Variants in CDH4 observed in about 807,000 individuals in gnomAD.
CDH4 encodes cadherin-4.
In CDH4, 33 loss-of-function variants were observed where a neutral mutation model predicts 86.0. The observed-to-expected ratio is 0.38, with a 90% confidence interval of 0.29 to 0.51. CDH4 has a LOEUF of 0.51. Among genes scored for constraint, CDH4 ranks in the 20% least tolerant of loss-of-function variants. The pLI, the probability that CDH4 is intolerant of heterozygous loss-of-function variation, is 0.86. For synonymous variants in CDH4, 555 were observed against 549.4 expected (o/e 1.01, Z -0.14); for missense variants, 1,114 against 1,307.4 (o/e 0.85, Z 2.28).
At position 61,678,125 on chromosome 20, in the gene CDH4, G is replaced by A. The variant is rs368417440; in HGVS notation, c.170-65438G>A. Among the ~76,000 whole-genome samples the A allele has an allele frequency of 1.1e-3, 160 of 151,658 alleles. 6 individuals carry two copies. The South Asian group carries it at 0.02, about 19-fold the overall frequency. ...GATGATAGATGATACATTAGAAGACGGATGGAAGATAGAAGGATAGGTAGA... is the reference window on the plus strand; with the variant it reads ...GATGATAGATGATACATTAGAAGACAGATGGAAGATAGAAGGATAGGTAGA... On this transcript the variant is annotated intron_variant, in intron 2 of 15. Coordinates refer to ENST00000614565, the MANE Select transcript of CDH4 (RefSeq NM_001794.5).
At chr20:61,474,760 G>T (rs1648944621) in intron 2 of CDH4, among the ~76,000 whole-genome samples, 1 of 151,730 alleles carries the variant, frequency 6.6e-6, no homozygotes, top group Non-Finnish European at 1.5e-5. Flanking sequence ...TACTTCCAAG[G>T]GCATTTTTAT....
chr20:61,643,929 G>A (rs899647687), intron 2 of CDH4, among the ~76,000 whole-genome samples: 1 of 152,374 alleles, frequency 6.6e-6, no homozygotes, highest in African/African-American at 2.4e-5. Flanking sequence ...AGGCAAGGAA[G>A]ACTTTCTGGG....
intron 2 of CDH4, among the ~76,000 whole-genome samples, chr20:61,452,858 C>T (rs1017557341): frequency 1.3e-5 from 2 of 152,170 alleles, no homozygotes; most frequent in African/African-American, 4.8e-5. Context: ...CTGAGTGACA[C>T]TTATTATGTT....
intron 2 of CDH4, among the ~76,000 whole-genome samples, chr20:61,261,104 G>A (rs572824168): frequency 2.2e-4 from 33 of 152,288 alleles, no homozygotes; most frequent in Admixed American, 4.6e-4. Flanking sequence ...AGGGAGCTGT[G>A]GTCAGTGGCC....
intron 2 of CDH4, among the ~76,000 whole-genome samples, chr20:61,615,254 T>G (rs1045571419): frequency 6.6e-6 from 1 of 151,954 alleles, no homozygotes; most frequent in African/African-American, 2.4e-5. Flanking sequence ...CCCGAGTATC[T>G]GGGATTATAG....
chr20:61,870,311 G>C (rs376323350), intron 6 of CDH4, among the ~76,000 whole-genome samples: 50 of 152,230 alleles, frequency 3.3e-4, no homozygotes, highest in African/African-American at 1.2e-3. Context: ...GGCCAGCTGG[G>C]CACAGGGTGG....
rs577480792 is a variant in CDH4 at position 61,694,616 on chromosome 20, G to C, written c.170-48947G>C. Among the ~76,000 whole-genome samples the C allele has an allele frequency of 1.4e-4, 21 of 152,268 alleles. No individual in the cohort carries two copies. In the South Asian group the frequency reaches 4.2e-3, roughly 30 times the overall value. The stretch of plus-strand genomic sequence containing the variant: ...GCACACTTGGAGGAAGGCTGAACTG[G>C]GGTTCTGGGATAGAAGTAAAAACTC... On this transcript the variant is annotated intron_variant, in intron 2 of 15. Transcript: ENST00000614565.
rs561411934 is a variant in CDH4 at position 61,684,217 on chromosome 20, C to T, written c.170-59346C>T. ...AGCCGTTGCTGCTGGTGAAGGAGGCCGTCGGAGTGCTGTGAATGAGGGGGA... is the reference window on the plus strand; with the variant it reads ...AGCCGTTGCTGCTGGTGAAGGAGGCTGTCGGAGTGCTGTGAATGAGGGGGA... On this transcript the variant is annotated intron_variant, in intron 2 of 15. Coordinates refer to ENST00000614565, the MANE Select transcript of CDH4 (RefSeq NM_001794.5). The surrounding 1 kb of genome is among the most constrained non-coding windows in gnomAD (Gnocchi z 4.5). 2.6e-5 allele frequency among the ~76,000 whole-genome samples: 4 copies of T among 152,288 alleles called. No homozygotes were observed. The South Asian group carries it at 8.3e-4, about 32-fold the overall frequency.
At chr20:61,793,283 T>C (rs966035236) in intron 4 of CDH4, among the ~76,000 whole-genome samples, 2 of 152,042 alleles carry the variant, frequency 1.3e-5, no homozygotes, top group South Asian at 2.1e-4. Context: ...GCAGTCTTAA[T>C]GGGAGCAATG....
At chr20:61,885,836 CTCTG>C (rs1445586201) in intron 7 of CDH4, among the ~76,000 whole-genome samples, 1 of 152,230 alleles carries the variant, frequency 6.6e-6, no homozygotes, top group Non-Finnish European at 1.5e-5. Flanking sequence ...GGACCCAGAT[CTCTG>C]TCTGCTCCAT....
intron 2 of CDH4, among the ~76,000 whole-genome samples, chr20:61,581,633 C>T (rs2086429373): frequency 6.6e-6 from 1 of 152,168 alleles, no homozygotes; most frequent in Non-Finnish European, 1.5e-5. Flanking sequence ...CTTCCTCCCT[C>T]CTGTAAGGAC....
intron 2 of CDH4, among the ~76,000 whole-genome samples, chr20:61,526,191 T>C (rs1184269505): frequency 6.6e-6 from 1 of 151,212 alleles, no homozygotes; most frequent in Admixed American, 6.6e-5. Flanking sequence ...CGGGTGGTTC[T>C]GTCCAGCATT....
rs1324794611 is a variant in CDH4 at position 61,681,672 on chromosome 20, A to G, written c.170-61891A>G. Among the ~76,000 whole-genome samples, 1 of 152,202 alleles carries G rather than the reference A, an allele frequency of 6.6e-6. No individual in the cohort carries two copies. The highest frequency in any genetic ancestry group is 1.5e-5 in the Non-Finnish European group (1 of 68,026). ...ACAGGCACAGAGCTGAGGGTGCTGC[A>G]GAGCCCCTAAAGAGCTTTCTGGGCA... On this transcript the variant is annotated intron_variant, in intron 2 of 15. Transcript: ENST00000614565. The surrounding 1 kb of genome is among the most constrained non-coding windows in gnomAD (Gnocchi z 4.5).
At chr20:61,652,940 T>TTTTTTA (rs2087139445) in intron 2 of CDH4, among the ~76,000 whole-genome samples, 2 of 111,132 alleles carry the variant, frequency 1.8e-5, no homozygotes, top group African/African-American at 6.1e-5. Flanking sequence ...ATTTATTTAT[T>TTTTTTA]TTTTTTTTTT....
chr20:61,868,279 G>C (rs558691405), intron 6 of CDH4, among the ~76,000 whole-genome samples: 5 of 152,280 alleles, frequency 3.3e-5, no homozygotes, highest in Admixed American at 3.3e-4. Flanking sequence ...ACAGAGACGC[G>C]GGAATGCTGT....
chr20:61,764,664 C>T (rs963971694), intron 3 of CDH4, among the ~76,000 whole-genome samples: 4 of 152,208 alleles, frequency 2.6e-5, no homozygotes, highest in Non-Finnish European at 5.9e-5. Context: ...GTCGTGCATC[C>T]GCCCCATCAG....
At chr20:61,378,573 G>C (rs372011206) in intron 2 of CDH4, among the ~76,000 whole-genome samples, 10 of 152,258 alleles carry the variant, frequency 6.6e-5, no homozygotes, top group African/African-American at 2.4e-4. Context: ...CTCACTTTGT[G>C]TCTTTCATAG....
intron 2 of CDH4, among the ~76,000 whole-genome samples, chr20:61,340,302 C>T (rs1600881524): frequency 6.6e-6 from 1 of 152,302 alleles, no homozygotes; most frequent in African/African-American, 2.4e-5. Context: ...GTTAGGTGAA[C>T]ATATGGATGA....
intron 2 of CDH4, among the ~76,000 whole-genome samples, chr20:61,343,985 T>C (rs1398015090): frequency 6.6e-6 from 1 of 151,940 alleles, no homozygotes; most frequent in Non-Finnish European, 1.5e-5. Flanking sequence ...ATTTAAAGGA[T>C]TGTACCTACG....
Sources: gnomAD v4.1 joint callset for allele counts (sites outside exome capture counted in the v4.1 genomes callset) on GRCh38, gnomAD v4.1.1 for gene constraint, Gnocchi (gnomAD v3.1) non-coding constraint, MANE v1.5 for transcripts, NCBI Gene and HGNC (gene_info 2026-07-23, HGNC 2026-07-21) for gene names.